The following ZFAND3 variants were observed in gnomAD, a reference collection of about 807,000 sequenced individuals.
ZFAND3 encodes zinc finger AN1-type containing 3.
A neutral mutation model predicts 29.6 loss-of-function variants in ZFAND3; 10 were observed. The ratio of observed to expected loss-of-function variants is 0.34; its 90% CI spans 0.21 to 0.57. The LOEUF is 0.57. Ranked by LOEUF, ZFAND3 falls within the 20% of genes least tolerant of loss-of-function variation. The pLI, the probability that ZFAND3 is intolerant of heterozygous loss-of-function variation, is 0.86. For missense variants in ZFAND3, 230 were observed against 304.5 expected, an observed-to-expected ratio of 0.76 and a Z score of 1.82; for synonymous variants, 128 against 112.6, an observed-to-expected ratio of 1.14 and a Z score of -0.87.
chr6:38,087,064 A>T (rs1013235739), intron 4 of ZFAND3, among the ~76,000 whole-genome samples: 2 of 152,184 alleles, frequency 1.3e-5, no homozygotes, highest in African/African-American at 4.8e-5. Context: ...TTTTTGACAA[A>T]GGTGCCAAGA....
chr6:37,899,542 A>G (rs1765281032), intron 1 of ZFAND3, among the ~76,000 whole-genome samples: 1 of 152,112 alleles, frequency 6.6e-6, no homozygotes, highest in Admixed American at 6.5e-5. Context: ...GTTATTGTTC[A>G]TTTGTCCAAT....
chr6:37,907,863 A>G (rs1427471845), intron 1 of ZFAND3, among the ~76,000 whole-genome samples: 1 of 152,176 alleles, frequency 6.6e-6, no homozygotes, highest in Non-Finnish European at 1.5e-5. Flanking sequence ...TTCCAGAACC[A>G]TTTGTAGATA....
intron 2 of ZFAND3, among the ~76,000 whole-genome samples, chr6:38,015,093 C>G (rs1763231290): frequency 6.6e-6 from 1 of 152,116 alleles, no homozygotes; most frequent in Non-Finnish European, 1.5e-5. Context: ...TTTACTGTTT[C>G]TCTTGTTATC....
At chr6:37,908,541 T>TAAAAAAAAAAAAAA (rs1765452056) in intron 1 of ZFAND3, among the ~76,000 whole-genome samples, 1 of 58,342 alleles carries the variant, frequency 1.7e-5, no homozygotes, top group Non-Finnish European at 3.9e-5. Flanking sequence ...AAAAAAAAAA[T>TAAAAAAAAAAAAAA]TAAAAAAAAA....
chr6:38,098,534 T>C (rs1329783304), intron 4 of ZFAND3, among the ~76,000 whole-genome samples: 1 of 151,296 alleles, frequency 6.6e-6, no homozygotes, highest in African/African-American at 2.4e-5. Context: ...AGAGTCTCGC[T>C]CTGTTGCCCA....
intron 1 of ZFAND3, among the ~76,000 whole-genome samples, chr6:37,879,301 T>C (rs942109321): frequency 3.3e-5 from 5 of 152,212 alleles, no homozygotes; most frequent in Non-Finnish European, 5.9e-5. Context: ...GCTTTACCTC[T>C]AATTCCAAAT....
At chr6:38,130,890 CTCT>C (rs1765729161) in intron 5 of ZFAND3, among the ~76,000 whole-genome samples, 1 of 152,120 alleles carries the variant, frequency 6.6e-6, no homozygotes, top group Admixed American at 6.5e-5. Context: ...TTAGTACCAA[CTCT>C]TCTTTGAATG....
intron 5 of ZFAND3, among the ~76,000 whole-genome samples, chr6:38,126,109 C>A (rs933310228): frequency 2.0e-5 from 3 of 152,196 alleles, no homozygotes; most frequent in Non-Finnish European, 4.4e-5. Flanking sequence ...CCACCCTAGC[C>A]CCAGCCAACC....
intron 5 of ZFAND3, among the ~76,000 whole-genome samples, chr6:38,121,700 A>G (rs1174967715): frequency 6.6e-6 from 1 of 152,196 alleles, no homozygotes; most frequent in Non-Finnish European, 1.5e-5. Flanking sequence ...AGACTACTAC[A>G]TAAATAATCA....
At chr6:37,884,946 G>C (rs1338546821) in intron 1 of ZFAND3, among the ~76,000 whole-genome samples, 1 of 152,196 alleles carries the variant, frequency 6.6e-6, no homozygotes. Context: ...TTCCATTTCT[G>C]ATGGAAATGA....
At chr6:37,928,127 T>C (rs905120287) in intron 1 of ZFAND3, among the ~76,000 whole-genome samples, 1 of 152,220 alleles carries the variant, frequency 6.6e-6, no homozygotes, top group African/African-American at 2.4e-5. Flanking sequence ...TAAAGGAATA[T>C]CTACTTGTTG....
intron 1 of ZFAND3, among the ~76,000 whole-genome samples, chr6:37,921,898 A>C (rs1185109181): frequency 6.7e-6 from 1 of 149,700 alleles, no homozygotes; most frequent in Non-Finnish European, 1.5e-5. Flanking sequence ...AAAAAAAAAA[A>C]CAAACCCACA....
chr6:37,844,299 T>G (rs913094058), intron 1 of ZFAND3, among the ~76,000 whole-genome samples: 5 of 151,494 alleles, frequency 3.3e-5, no homozygotes, highest in South Asian at 2.1e-4. Flanking sequence ...TTTCTTGTCT[T>G]TCTTTCTTGT....
intron 2 of ZFAND3, among the ~76,000 whole-genome samples, chr6:37,956,707 G>A (rs1459490925): frequency 1.3e-5 from 2 of 152,186 alleles, no homozygotes; most frequent in Admixed American, 1.3e-4. Context: ...AGAAAAATGT[G>A]CAAGTGCTCA....
chr6:38,152,581 A>G lies in ZFAND3; in HGVS notation c.*192A>G. On this transcript the variant is annotated 3_prime_UTR_variant, in exon 6 of 6. Coordinates refer to ENST00000287218, the MANE Select transcript of ZFAND3 (RefSeq NM_021943.3). The stretch of plus-strand genomic sequence containing the variant: ...GGTTGAAATTGATTTCTGGCTGGTT[A>G]CTAAGGTGCCTGCTAGCCATTGTAT... The G allele has an allele frequency of 1.6e-6, 2 of 1,267,044 alleles. No homozygotes were observed. The highest frequency in any genetic ancestry group is 2.0e-6 in the Non-Finnish European group (2 of 1,006,964). The allele number at this position is 1,267,044 out of a possible 1,614,324, so 78.5% of individuals were successfully genotyped here.
chr6:37,950,532 C>T (rs761247185), intron 2 of ZFAND3, among the ~76,000 whole-genome samples: 8 of 152,022 alleles, frequency 5.3e-5, no homozygotes, highest in Non-Finnish European at 1.2e-4. Context: ...CGCCTGCCAC[C>T]GTGCCTGGCT....
chr6:37,934,121 C>A (rs1224135601), intron 2 of ZFAND3, among the ~76,000 whole-genome samples: 3 of 151,866 alleles, frequency 2.0e-5, no homozygotes, highest in Middle Eastern at 3.4e-3. Context: ...CTCCTGAGCT[C>A]AGGTGATCCG....
chr6:37,896,558 CTT>C lies in ZFAND3; in HGVS notation c.72-33399_72-33398del, dbSNP rs779791163. ...TCTTTCTTTCTTTCTTTCTTTCTTT[CTT>C]TCTTTCTTTCTCTCTTTCTCTCTCT... On this transcript the variant is annotated intron_variant, in intron 1 of 5. Transcript: ENST00000287218. Among the ~76,000 whole-genome samples the C allele has an allele frequency of 5.1e-4, 71 of 138,426 alleles. No homozygotes were observed. In the East Asian group the frequency reaches 8.6e-3, roughly 17 times the overall value. The allele number at this position is 138,426 out of a possible 152,430, so 90.8% of individuals were successfully genotyped here. A position where few individuals can be genotyped will look rare whatever the true frequency, so the allele number is the denominator to read the frequency against.
chr6:38,066,543 A>G (rs1764349489), intron 3 of ZFAND3, among the ~76,000 whole-genome samples: 1 of 152,226 alleles, frequency 6.6e-6, no homozygotes, highest in Admixed American at 6.5e-5. Flanking sequence ...TTTGTAAACT[A>G]TTTAGTAGTT....
Sources: allele counts gnomAD v4.1 joint callset (sites outside exome capture counted in the v4.1 genomes callset), GRCh38; gene constraint gnomAD v4.1.1; transcripts MANE v1.5; gene names NCBI Gene and HGNC (gene_info 2026-07-23, HGNC 2026-07-21).